BICRA: variants seen among roughly 807,000 people sequenced by gnomAD.
BICRA encodes BRD4 interacting chromatin remodeling complex associated protein.
Under a neutral mutation model 96.9 loss-of-function variants are expected in BICRA, and 31 were observed. The observed-to-expected ratio is 0.32, with a 90% confidence interval of 0.24 to 0.43. The LOEUF (loss-of-function observed/expected upper bound fraction) is 0.43, where lower values mean the gene tolerates loss of function less well. Ranked by LOEUF, BICRA falls within the 20% of genes least tolerant of loss-of-function variation. The pLI, the probability that BICRA is intolerant of heterozygous loss-of-function variation, is 1.00. For missense variants in BICRA, 2,283 were observed against 2,190.3 expected (o/e 1.04, Z -0.84); for synonymous variants, 1,350 against 1,071.8 (o/e 1.26, Z -5.07).
At chr19:47,633,763 A>G (rs1386924456) in intron 1 of BICRA, among the ~76,000 whole-genome samples, 2 of 152,214 alleles carry the variant, frequency 1.3e-5, no homozygotes, top group East Asian at 1.9e-4. Flanking sequence ...TAATCATGCT[A>G]ATGGTACCTC....
At chr19:47,678,597 T>G (rs1972976458) in intron 5 of BICRA, among the ~76,000 whole-genome samples, 1 of 152,056 alleles carries the variant, frequency 6.6e-6, no homozygotes, top group Non-Finnish European at 1.5e-5. Flanking sequence ...TGGGTCTTAC[T>G]CTTGTCACTT....
At chr19:47,643,372 CT>C (rs1972410987) in intron 1 of BICRA, among the ~76,000 whole-genome samples, 1 of 152,226 alleles carries the variant, frequency 6.6e-6, no homozygotes. Context: ...TGTGCTGCCC[CT>C]GACTGACAAA....
At chr19:47,633,605 A>C (rs983043007) in intron 1 of BICRA, among the ~76,000 whole-genome samples, 7 of 152,190 alleles carry the variant, frequency 4.6e-5, no homozygotes, top group African/African-American at 1.7e-4. Flanking sequence ...CAGGGTCAGG[A>C]AATAATAGAG....
chr19:47,679,143 C>G (rs1052464517), intron 5 of BICRA, 178 bp from the exon 6 acceptor site: 2 of 439,952 alleles, frequency 4.5e-6, no homozygotes, highest in Non-Finnish European at 8.0e-6. Context: ...GCCATCCATC[C>G]TCCTACCTCA....
intron 1 of BICRA, among the ~76,000 whole-genome samples, chr19:47,615,277 C>T (rs10409634): frequency 0.47 from 71,467 of 152,150 alleles, 17,188 homozygotes; most frequent in East Asian, 0.53. Flanking sequence ...CCACCGTGCC[C>T]GGCCCCTCAT....
chr19:47,615,221 C>G (rs1005839725), intron 1 of BICRA, among the ~76,000 whole-genome samples: 17 of 152,202 alleles, frequency 1.1e-4, no homozygotes, highest in African/African-American at 4.1e-4. Context: ...TGTTCAAGCA[C>G]TCCTCCCGCC....
chr19:47,694,449 TGCCCCCA>T lies in BICRA; in HGVS notation c.2625_2631del (p.Ala876ThrfsTer69). 3 of 808,486 alleles carry T rather than the reference TGCCCCCA, an allele frequency of 3.7e-6. No individual in the cohort carries two copies. The highest frequency in any genetic ancestry group is 4.8e-5 in the Admixed American group (2 of 41,724). The allele number at this position is 808,486 out of a possible 1,614,324, so 50.1% of individuals were successfully genotyped here. On this transcript the variant is annotated frameshift_variant, in exon 8 of 15. Transcript: ENST00000594866. LOFTEE classifies it high-confidence loss of function. The stretch of plus-strand genomic sequence containing the variant: ...CAGTCCCAGCCGCCTGAGGGACCGC[TGCCCCCA>T]GCCCCCCACCTCCCTCCATCCTCCA...
intron 1 of BICRA, among the ~76,000 whole-genome samples, chr19:47,664,601 G>C (rs1275088993): frequency 6.6e-6 from 1 of 152,214 alleles, no homozygotes; most frequent in East Asian, 1.9e-4. Context: ...GGTGGGTATG[G>C]AGTAAGCACA....
intron 1 of BICRA, among the ~76,000 whole-genome samples, chr19:47,621,942 C>T (rs1972070487): frequency 6.6e-6 from 1 of 152,034 alleles, no homozygotes; most frequent in Non-Finnish European, 1.5e-5. Context: ...CAGGCGTGCA[C>T]CACCACCCCC....
At chr19:47,655,745 A>G (rs1218177664) in intron 1 of BICRA, among the ~76,000 whole-genome samples, 1 of 150,054 alleles carries the variant, frequency 6.7e-6, no homozygotes, top group Non-Finnish European at 1.5e-5. Context: ...AATCCCAGCT[A>G]CTCGGGAGGC....
At chr19:47,622,650 G>C (rs1972081123) in intron 1 of BICRA, among the ~76,000 whole-genome samples, 1 of 150,536 alleles carries the variant, frequency 6.6e-6, no homozygotes, top group Non-Finnish European at 1.5e-5. Context: ...TGTGAACCCG[G>C]GAGGCGGAGC....
chr19:47,646,453 GCA>G (rs1302797470), intron 1 of BICRA, among the ~76,000 whole-genome samples: 1 of 151,882 alleles, frequency 6.6e-6, no homozygotes, highest in Non-Finnish European at 1.5e-5. Flanking sequence ...ACGTGTGCGC[GCA>G]CACACACACG....
chr19:47,640,270 G>A (rs1397746685), intron 1 of BICRA, among the ~76,000 whole-genome samples: 1 of 152,154 alleles, frequency 6.6e-6, no homozygotes, highest in African/African-American at 2.4e-5. Context: ...AATGGCTCAC[G>A]CCTGTCATCC....
At position 47,699,164 on chromosome 19, in the gene BICRA, C is replaced by T. The variant is rs1026101091; in HGVS notation, c.3492+105C>T. Reference sequence around the variant, plus strand: ...AGGTGGAGCCTCCCGCCCCTCCTAGCCCCGGGAGGGAGGTTGGGAGGGAGG... The same window carrying T: ...AGGTGGAGCCTCCCGCCCCTCCTAGTCCCGGGAGGGAGGTTGGGAGGGAGG... On this transcript the variant is annotated intron_variant, in intron 13 of 14. Coordinates refer to ENST00000594866, the MANE Select transcript of BICRA (RefSeq NM_001394372.1). This position sits in a 1 kb window ranked among gnomAD's most constrained non-coding sequence, Gnocchi z 5.0. 5 of 957,182 alleles carry T rather than the reference C, an allele frequency of 5.2e-6. No homozygotes were observed. The highest frequency in any genetic ancestry group is 2.1e-4 in the Middle Eastern group (1 of 4,834). The allele number at this position is 957,182 out of a possible 1,614,324, so 59.3% of individuals were successfully genotyped here. A position where few individuals can be genotyped will look rare whatever the true frequency, so the allele number is the denominator to read the frequency against.
At chr19:47,678,228 G>A (rs1195575786) in intron 5 of BICRA, among the ~76,000 whole-genome samples, 2 of 152,136 alleles carry the variant, frequency 1.3e-5, no homozygotes, top group South Asian at 2.1e-4. Flanking sequence ...CCATTCTCCT[G>A]CCTCAGCCTC....
intron 1 of BICRA, among the ~76,000 whole-genome samples, chr19:47,632,222 C>T (rs942063414): frequency 1.3e-5 from 2 of 152,176 alleles, no homozygotes; most frequent in Middle Eastern, 3.2e-3. Context: ...CAAAAGGGAG[C>T]GAGCATTTAG....
At chr19:47,619,283 T>C (rs28538616) in intron 1 of BICRA, among the ~76,000 whole-genome samples, 68,203 of 147,700 alleles carry the variant, frequency 0.46, 16,412 homozygotes, top group East Asian at 0.53. Context: ...GGGGTCTCGC[T>C]GTTTCGCTCT....
At position 47,627,290 on chromosome 19, in the gene BICRA, G is replaced by A. The variant is rs1318081707; in HGVS notation, c.-108+18122G>A. The stretch of plus-strand genomic sequence containing the variant: ...CTGGAGTCAGGATTTGGGGGGTGTG[G>A]TGTAGGTCTAGAGCCAACTGTGGCA... On this transcript the variant is annotated intron_variant, in intron 1 of 14. Transcript: ENST00000594866. Among the ~76,000 whole-genome samples, 5 of 152,204 alleles carry A rather than the reference G, an allele frequency of 3.3e-5. No individual in the cohort carries two copies. In the East Asian group the frequency reaches 9.6e-4, roughly 29 times the overall value.
At chr19:47,653,381 A>T (rs1972569327) in intron 1 of BICRA, among the ~76,000 whole-genome samples, 1 of 151,570 alleles carries the variant, frequency 6.6e-6, no homozygotes, top group Admixed American at 6.6e-5. Flanking sequence ...ATACCATAAA[A>T]TCCACCCATC....
Sources: gnomAD v4.1 joint callset for allele counts (sites outside exome capture counted in the v4.1 genomes callset) on GRCh38, gnomAD v4.1.1 for gene constraint, Gnocchi (gnomAD v3.1) non-coding constraint, MANE v1.5 for transcripts, NCBI Gene and HGNC (gene_info 2026-07-23, HGNC 2026-07-21) for gene names.